LIPE: variants seen among roughly 807,000 people sequenced by gnomAD.
LIPE encodes the protein lipase E, hormone sensitive type, also known as hormone-sensitive lipase.
In LIPE, 66 loss-of-function variants were observed where a neutral mutation model predicts 88.5. That is an observed-to-expected ratio of 0.75 (90% confidence interval 0.61 to 0.91). The LOEUF (loss-of-function observed/expected upper bound fraction) is 0.91, where lower values mean the gene tolerates loss of function less well. Ranked by LOEUF, LIPE falls within the 40% of genes least tolerant of loss-of-function variation. The pLI is 0.00. For missense variants in LIPE, 1,346 were observed against 1,434.7 expected (o/e 0.94, Z 1.00); for synonymous variants, 570 against 617.5 (o/e 0.92, Z 1.14).
intron 1 of LIPE, among the ~76,000 whole-genome samples, chr19:42,420,280 C>G (rs1041288045): frequency 3.3e-5 from 5 of 152,000 alleles, no homozygotes; most frequent in Non-Finnish European, 7.4e-5. Context: ...GCTTTCTGGT[C>G]GGGTGTGAGT....
intron 1 of LIPE, among the ~76,000 whole-genome samples, chr19:42,411,928 T>C (rs566477258): frequency 5.4e-4 from 82 of 152,332 alleles, no homozygotes; most frequent in African/African-American, 1.9e-3. Context: ...ATTGCCAGCA[T>C]CCCCATTTTA....
chr19:42,426,280 G>T lies in LIPE; in HGVS notation c.870C>A (p.His290Gln). ...ATTCACACTCACCTGTATCCTGGTA[G>T]TGTCTGTGATTCCGAGCACTGGTTT... ...HEKTSARNHR[H>Q]YQDTASRLIH... Residue 290 changes from histidine (H) to glutamine (Q), a missense_variant, in exon 1 of 10, where the codon CAC becomes CAA. By Grantham distance (24) the His-to-Gln change is conservative. Coordinates refer to ENST00000244289, the MANE Select transcript of LIPE (RefSeq NM_005357.4). The T allele has an allele frequency of 6.2e-7, 1 of 1,601,220 alleles. No homozygotes were observed. The highest frequency in any genetic ancestry group is 8.6e-7 in the Non-Finnish European group (1 of 1,169,168).
At chr19:42,409,417 A>AC (rs1441833830) in intron 2 of LIPE, among the ~76,000 whole-genome samples, 1 of 151,878 alleles carries the variant, frequency 6.6e-6, no homozygotes, top group Non-Finnish European at 1.5e-5. Context: ...AAAAAAAAAA[A>AC]AAAATACAAT....
At chr19:42,419,860 C>G (rs2040561904) in intron 1 of LIPE, among the ~76,000 whole-genome samples, 1 of 152,162 alleles carries the variant, frequency 6.6e-6, no homozygotes, top group African/African-American at 2.4e-5. Context: ...CACCAACAGC[C>G]TCTGCGTGCC....
chr19:42,423,570 C>T (rs920351731), intron 1 of LIPE: 133 of 1,224,484 alleles, frequency 1.1e-4, no homozygotes, highest in Non-Finnish European at 1.3e-4. Context: ...GGGGCCAATT[C>T]CAGCCGCGAG....
Position 42,407,618 on chromosome 19 carries a change from C to G in LIPE, c.1830G>C (p.Leu610=). 1.9e-6 allele frequency: 3 copies of G among 1,608,460 alleles called. No individual in the cohort carries two copies. The highest frequency in any genetic ancestry group is 2.5e-6 in the Non-Finnish European group (3 of 1,176,726). The part of the protein sequence containing the change: ...PVLVRLISYD[L]REGQDSEELS... ...GCTGGAACCCTACCTGTCCTTCACGCAGGTCATAGGAGATGAGCCTGACGA... is the reference window on the plus strand; with the variant it reads ...GCTGGAACCCTACCTGTCCTTCACGGAGGTCATAGGAGATGAGCCTGACGA... Residue 610 remains leucine (L), a synonymous_variant, in exon 5 of 10, where the codon CTG becomes CTC. Coordinates refer to ENST00000244289, the MANE Select transcript of LIPE (RefSeq NM_005357.4). The surrounding 1 kb of genome is among the most constrained non-coding windows in gnomAD (Gnocchi z 5.8).
Position 42,401,839 on chromosome 19 carries a change from T to TACCCCCGCAGCCCCCGTCG in LIPE, c.3203_3204insCGACGGGGGCTGCGGGGGT (p.His1076ArgfsTer21). On this transcript the variant is annotated frameshift_variant, in exon 10 of 10. Coordinates refer to ENST00000244289, the MANE Select transcript of LIPE (RefSeq NM_005357.4). LOFTEE classifies it high-confidence loss of function. ...AGTGTCGCCCCCCGCAGCCCCCGTC[T>TACCCCCGCAGCCCCCGTCG]ACCCCCGCAGCCCCCGTCTCCCCGC... is the stretch of plus-strand genomic sequence containing the variant. The TACCCCCGCAGCCCCCGTCG allele has an allele frequency of 1.0e-6, 1 of 997,894 alleles. No individual in the cohort carries two copies. Among genetic ancestry groups the TACCCCCGCAGCCCCCGTCG allele is most frequent in the Non-Finnish European group, 1.4e-6 (1 of 703,924 alleles). 61.8% of individuals were successfully genotyped at this position (997,894 alleles called of 1,614,324 possible).
At chr19:42,424,900 G>C (rs1306871889) in intron 1 of LIPE, 3 of 343,840 alleles carry the variant, frequency 8.7e-6, no homozygotes, top group African/African-American at 6.4e-5. Flanking sequence ...GGCGGAGAAG[G>C]CGAGGGAGTG....
At chr19:42,402,102 A>C in intron 9 of LIPE, 27 bp from the exon 10 acceptor site, 1 of 1,451,518 alleles carries the variant, frequency 6.9e-7, no homozygotes, top group Non-Finnish European at 9.1e-7. Context: ...AGGGACGTGG[A>C]GAGAGGGTGG....
At chr19:42,404,867 CTTTT>C (rs1050827746) in intron 8 of LIPE, among the ~76,000 whole-genome samples, 1 of 152,030 alleles carries the variant, frequency 6.6e-6, no homozygotes, top group African/African-American at 2.4e-5. Flanking sequence ...TAAGCGTACT[CTTTT>C]TTTAAATTTT....
intron 1 of LIPE, chr19:42,425,130 G>A (rs1264141986): frequency 5.4e-6 from 1 of 185,470 alleles, no homozygotes; most frequent in Non-Finnish European, 1.2e-5. Context: ...CCTGGCAGAA[G>A]AGGACAGACC....
chr19:42,424,844 G>A, intron 1 of LIPE: 1 of 355,050 alleles, frequency 2.8e-6, no homozygotes, highest in Non-Finnish European at 5.6e-6. Flanking sequence ...GAGCTTCCTG[G>A]GGCTCCTGTG....
At chr19:42,424,512 A>G in intron 1 of LIPE, 1 of 456,280 alleles carries the variant, frequency 2.2e-6, no homozygotes, top group South Asian at 1.5e-5. Flanking sequence ...CACTGGGGAG[A>G]GCAGGCCTCA....
At position 42,427,090 on chromosome 19, in the gene LIPE, C is replaced by T. The variant is rs762718858; in HGVS notation, c.60G>A (p.Arg20=). The T allele has an allele frequency of 1.9e-6, 3 of 1,613,270 alleles. No individual in the cohort carries two copies. ...RSDWQPEPHQ[R]PITPLEPGPE... ...GCCCAGGCTCTAGCGGGGTTATAGG[C>T]CTCTGGTGTGGTTCAGGTTGCCAGT... is the stretch of plus-strand genomic sequence containing the variant. The change falls in exon 1 of 10, where the codon AGG becomes AGA. Residue 20 remains arginine (R), a synonymous_variant. Coordinates refer to ENST00000244289, the MANE Select transcript of LIPE (RefSeq NM_005357.4).
chr19:42,403,023 G>A lies in LIPE; in HGVS notation c.2551C>T (p.Arg851Cys), dbSNP rs756096337. ...AGTGCTGCTTCAGACACACTGCGGCGCATCGGCTCTGAGAGAGGGAGAGCA... is the reference window on the plus strand; with the variant it reads ...AGTGCTGCTTCAGACACACTGCGGCACATCGGCTCTGAGAGAGGGAGAGCA... ...KMSEPIAEPM[R>C]RSVSEAALAQ... Residue 851 changes from arginine to cysteine, a missense_variant, in exon 9 of 10, where the codon CGC (arginine) becomes TGC (cysteine). Arg to Cys is a radical substitution (Grantham distance 180). Coordinates refer to ENST00000244289, the MANE Select transcript of LIPE (RefSeq NM_005357.4). 13 of 1,558,866 alleles carry A rather than the reference G, an allele frequency of 8.3e-6. No individual in the cohort carries two copies. The highest frequency in any genetic ancestry group is 1.2e-5 in the South Asian group (1 of 86,926).
chr19:42,403,292 T>TGTGTGTGTGA lies in LIPE; in HGVS notation c.2543-262_2543-261insTCACACACAC, dbSNP rs200935735. ...GTGTGTGTGTGTGTGTGTGTGTGTG[T>TGTGTGTGTGA]GACTGGGAAGATTAGGTGCAGTTTA... On this transcript the variant is annotated intron_variant, in intron 8 of 9. Transcript: ENST00000244289. Among the ~76,000 whole-genome samples the TGTGTGTGTGA allele has an allele frequency of 2.7e-3, 349 of 129,202 alleles. 29 individuals are homozygous for TGTGTGTGTGA. Among genetic ancestry groups the TGTGTGTGTGA allele is most frequent in the Admixed American group, 6.1e-3 (79 of 12,906 alleles). The allele number at this position is 129,202 out of a possible 152,430, so 84.8% of individuals were successfully genotyped here.
chr19:42,414,461 G>A lies in LIPE; in HGVS notation c.884-3619C>T, dbSNP rs554747773. Among the ~76,000 whole-genome samples the A allele has an allele frequency of 1.3e-5, 2 of 152,330 alleles. No individual in the cohort carries two copies. The highest frequency in any genetic ancestry group is 2.1e-4 in the South Asian group (1 of 4,828). ...ATAATTTATAAGTGGGGCCATGGCC[G>A]GCATGTTCTGCATGTGGTTTGCTTT... is the stretch of plus-strand genomic sequence containing the variant. On this transcript the variant is annotated intron_variant, in intron 1 of 9. Transcript: ENST00000244289. This position sits in a 1 kb window ranked among gnomAD's most constrained non-coding sequence, Gnocchi z 4.6.
intron 1 of LIPE, chr19:42,411,230 C>T (rs2040367771): frequency 1.2e-6 from 1 of 860,708 alleles, no homozygotes; most frequent in Non-Finnish European, 1.4e-6. Context: ...CGGACATTCC[C>T]TGAGCCCACA....
intron 1 of LIPE, chr19:42,424,647 G>C (rs927969066): frequency 2.2e-6 from 1 of 456,194 alleles, no homozygotes; most frequent in Non-Finnish European, 4.4e-6. Flanking sequence ...GCCTCTGGGC[G>C]GAGGGGCCGC....
Sources: gnomAD v4.1 joint callset for allele counts (sites outside exome capture counted in the v4.1 genomes callset) on GRCh38, gnomAD v4.1.1 for gene constraint, Gnocchi (gnomAD v3.1) non-coding constraint, MANE v1.5 for transcripts, NCBI Gene and HGNC (gene_info 2026-07-23, HGNC 2026-07-21) for gene names.